PAAF1: variants seen among roughly 807,000 people sequenced by gnomAD.
PAAF1 encodes proteasomal ATPase-associated factor 1.
A neutral mutation model predicts 52.8 loss-of-function variants in PAAF1; 46 were observed. The observed-to-expected ratio is 0.87, with a 90% CI of 0.69 to 1.11. The LOEUF (loss-of-function observed/expected upper bound fraction) is 1.11, where lower values mean the gene tolerates loss of function less well. Ranked by LOEUF, PAAF1 falls within the 50% of genes most tolerant of loss-of-function variation. The probability of loss-of-function intolerance (pLI) is 0.00; values close to 1 mark genes in which losing one functional copy is unlikely to be tolerated. For synonymous variants in PAAF1, 178 were observed against 172.8 expected (o/e 1.03, Z -0.24); for missense variants, 424 against 477.4 (o/e 0.89, Z 1.04).
At chr11:73,926,368 G>A (rs918730119) in intron 11 of PAAF1, among the ~76,000 whole-genome samples, 13 of 152,150 alleles carry the variant, frequency 8.5e-5, no homozygotes, top group Non-Finnish European at 1.5e-4. Context: ...AAAGTGCTCG[G>A]ATTACAGGCG....
chr11:73,907,329 A>C (rs1030665467), intron 6 of PAAF1, among the ~76,000 whole-genome samples: 2 of 152,034 alleles, frequency 1.3e-5, no homozygotes, highest in African/African-American at 2.4e-5. Flanking sequence ...TCAGCCACCT[A>C]CTGGACTCCC....
chr11:73,896,508 G>C (rs544356618), intron 4 of PAAF1, among the ~76,000 whole-genome samples: 62 of 150,896 alleles, frequency 4.1e-4, no homozygotes, highest in African/African-American at 1.4e-3. Context: ...CTCTTAAGGA[G>C]CATGCTGCCT....
At position 73,878,701 on chromosome 11, in the gene PAAF1, CCTT is replaced by C; in HGVS notation, c.48-74_48-72del. 5 of 1,337,626 alleles carry C rather than the reference CCTT, an allele frequency of 3.7e-6. No individual in the cohort carries two copies. In the East Asian group the frequency reaches 6.9e-5, roughly 18 times the overall value. 82.9% of individuals were successfully genotyped at this position (1,337,626 alleles called of 1,614,324 possible). A position where few individuals can be genotyped will look rare whatever the true frequency, so the allele number is the denominator to read the frequency against. On this transcript the variant is annotated intron_variant, in intron 1 of 11. Transcript: ENST00000310571. ...TATGACCAAGCTGGAGGTTACATGA[CCTT>C]CTTTCTTCCCTTGTAACTATGGGAT...
chr11:73,909,558 A>G lies in PAAF1; in HGVS notation c.692A>G (p.Asn231Ser), dbSNP rs746987722. The G allele has an allele frequency of 1.4e-5, 23 of 1,613,528 alleles. No homozygotes were observed. The South Asian group carries it at 2.2e-4, about 15-fold the overall frequency. ...INGVAVGAAD[N>S]SINLGSPEQM... ...GGAGTGGCGGTGGGTGCTGCTGACA[A>G]CTCCATAAACCTTGGCTCCCCTGAG... is the stretch of plus-strand genomic sequence containing the variant. Residue 231 changes from asparagine to serine, a missense_variant, in exon 7 of 12, where the codon AAC becomes AGC. Physicochemically the swap from Asn to Ser is conservative, Grantham distance 46 (BLOSUM62 1). Coordinates refer to ENST00000310571, the MANE Select transcript of PAAF1 (RefSeq NM_025155.3).
chr11:73,927,368 T>G lies in PAAF1; in HGVS notation c.*6T>G. On this transcript the variant is annotated 3_prime_UTR_variant, in exon 12 of 12. Transcript: ENST00000310571. Reference sequence around the variant, plus strand: ...ACCAGCTTTCTGACCTCTGACTTCTTGGAAAGAGCAGTCCCGGTTAGTGAA... The same window carrying G: ...ACCAGCTTTCTGACCTCTGACTTCTGGGAAAGAGCAGTCCCGGTTAGTGAA... 1 of 1,611,512 alleles carries G rather than the reference T, an allele frequency of 6.2e-7. No homozygotes were observed.
At chr11:73,884,467 C>A (rs1465004711) in intron 2 of PAAF1, among the ~76,000 whole-genome samples, 1 of 152,134 alleles carries the variant, frequency 6.6e-6, no homozygotes, top group Non-Finnish European at 1.5e-5. Context: ...TGCACTCCAG[C>A]CTGGGTGACA....
At chr11:73,877,181 G>A (rs1948765607) in intron 1 of PAAF1, 113 bp downstream of exon 1, 1 of 1,065,322 alleles carries the variant, frequency 9.4e-7, no homozygotes, top group Non-Finnish European at 1.3e-6. Flanking sequence ...GTCAATTGTC[G>A]AGGGATATGG....
chr11:73,884,568 A>G (rs1949008341), intron 2 of PAAF1, among the ~76,000 whole-genome samples: 1 of 152,200 alleles, frequency 6.6e-6, no homozygotes, highest in South Asian at 2.1e-4. Context: ...GAAATGATGC[A>G]CCATGAGGGC....
chr11:73,896,382 A>G (rs12803118), intron 4 of PAAF1, among the ~76,000 whole-genome samples: 8,157 of 147,448 alleles, frequency 0.055, 254 homozygotes, highest in Middle Eastern at 0.11. Flanking sequence ...AATAGTGGAG[A>G]GAAGGTCAGC....
At chr11:73,893,876 TAGTA>T (rs1158264600) in intron 4 of PAAF1, among the ~76,000 whole-genome samples, 1 of 151,450 alleles carries the variant, frequency 6.6e-6, no homozygotes, top group Non-Finnish European at 1.5e-5. Flanking sequence ...CTGGACAACA[TAGTA>T]AGACCTCGTC....
At position 73,927,833 on chromosome 11, in the gene PAAF1, A is replaced by G. The variant is rs772738121; in HGVS notation, c.*471A>G. 15 of 155,962 alleles carry G rather than the reference A, an allele frequency of 9.6e-5. No homozygotes were observed. The highest frequency in any genetic ancestry group is 2.0e-4 in the Non-Finnish European group (14 of 70,518). 9.7% of individuals were successfully genotyped at this position (155,962 alleles called of 1,614,324 possible). A position where few individuals can be genotyped will look rare whatever the true frequency, so the allele number is the denominator to read the frequency against. On this transcript the variant is annotated 3_prime_UTR_variant, in exon 12 of 12. Transcript: ENST00000310571. ...ACTCCCTGTTGCCTGGCCATAGAGA[A>G]GGCCTGCTTGGCAGTAGCAATAAAT...
At chr11:73,922,048 A>T in intron 10 of PAAF1, 1 of 826,968 alleles carries the variant, frequency 1.2e-6, no homozygotes, top group South Asian at 1.3e-5. Flanking sequence ...TTGGCCTTGA[A>T]CTAATAGATG....
At chr11:73,880,464 G>A (rs1341029779) in intron 2 of PAAF1, 9 of 146,872 alleles carry the variant, frequency 6.1e-5, no homozygotes, top group African/African-American at 2.3e-4. Flanking sequence ...GAGAGACAGA[G>A]CAAAACCCTG....
chr11:73,899,356 G>A, intron 5 of PAAF1, 112 bp downstream of exon 5: 1 of 646,786 alleles, frequency 1.5e-6, no homozygotes, highest in Admixed American at 2.7e-5. Flanking sequence ...GGACCACTCT[G>A]CATGTCAGTT....
intron 3 of PAAF1, chr11:73,888,754 A>G (rs1949126964): frequency 3.9e-6 from 1 of 258,876 alleles, no homozygotes; most frequent in Non-Finnish European, 7.2e-6. Flanking sequence ...TATAGGTATC[A>G]GAAGATCTAA....
intron 3 of PAAF1, 138 bp from the exon 4 acceptor site, chr11:73,890,974 G>T: frequency 1.7e-6 from 1 of 592,990 alleles, no homozygotes; most frequent in Non-Finnish European, 3.0e-6. Flanking sequence ...AGTTTTGTGG[G>T]GTGGGAAAGG....
At chr11:73,903,806 G>A (rs532508160) in intron 6 of PAAF1, among the ~76,000 whole-genome samples, 7 of 151,052 alleles carry the variant, frequency 4.6e-5, no homozygotes, top group South Asian at 2.1e-4. Flanking sequence ...AAAATTGGCC[G>A]GGCGCAGCGT....
chr11:73,877,055 G>A lies in PAAF1; in HGVS notation c.34G>A (p.Ala12Thr). The change falls in exon 1 of 12, where the codon GCG (alanine) becomes ACG (threonine). Residue 12 changes from alanine (A) to threonine (T), a missense_variant. By Grantham distance (58) the Ala-to-Thr change is moderately conservative. Transcript: ENST00000310571. ...GCCTTTGAGGATTCAGAGCGACTGGGCGCAAGCCCTCAGGTGAATCCAGGC... is the reference window on the plus strand; with the variant it reads ...GCCTTTGAGGATTCAGAGCGACTGGACGCAAGCCCTCAGGTGAATCCAGGC... ...AAPLRIQSDW[A>T]QALRKDEGEA... The A allele has an allele frequency of 6.5e-7, 1 of 1,539,118 alleles. No individual in the cohort carries two copies. The highest frequency in any genetic ancestry group is 8.8e-7 in the Non-Finnish European group (1 of 1,140,514).
intron 4 of PAAF1, 80 bp downstream of exon 4, chr11:73,891,281 CAT>C: frequency 1.3e-6 from 1 of 765,138 alleles, no homozygotes; most frequent in South Asian, 1.7e-5. Context: ...GTGCTATAAA[CAT>C]ATTCATAATT....
Sources: allele counts gnomAD v4.1 joint callset (sites outside exome capture counted in the v4.1 genomes callset), GRCh38; gene constraint gnomAD v4.1.1; transcripts MANE v1.5; gene names NCBI Gene and HGNC (gene_info 2026-07-23, HGNC 2026-07-21).